PSD3: variants seen among roughly 807,000 people sequenced by gnomAD.
The protein encoded by PSD3 is PH and SEC7 domain-containing protein 3.
In PSD3, 49 loss-of-function variants were observed where a neutral mutation model predicts 105.5. That is an observed-to-expected ratio of 0.46 (90% CI 0.37 to 0.59). The LOEUF (loss-of-function observed/expected upper bound fraction) is 0.59, where lower values mean the gene tolerates loss of function less well. Ranked by LOEUF, PSD3 falls within the 20% of genes least tolerant of loss-of-function variation. PSD3 has a pLI of 0.00. For synonymous variants in PSD3, 557 were observed against 457.8 expected, an observed-to-expected ratio of 1.22 and a Z score of -2.77; for missense variants, 1,561 against 1,263.8, an observed-to-expected ratio of 1.24 and a Z score of -3.57.
intron 1 of PSD3, among the ~76,000 whole-genome samples, chr8:18,947,930 C>T (rs1390777527): frequency 6.6e-6 from 1 of 152,144 alleles, no homozygotes; most frequent in Non-Finnish European, 1.5e-5. Flanking sequence ...ATAGAGGGAT[C>T]AAGTCTTCTT....
chr8:18,563,077 T>C (rs1377292552), intron 14 of PSD3, among the ~76,000 whole-genome samples: 1 of 152,186 alleles, frequency 6.6e-6, no homozygotes, highest in African/African-American at 2.4e-5. Flanking sequence ...TTTATCTCCT[T>C]TACCGATTAC....
chr8:18,684,578 C>A (rs1020023824), intron 9 of PSD3, among the ~76,000 whole-genome samples: 1 of 152,186 alleles, frequency 6.6e-6, no homozygotes, highest in African/African-American at 2.4e-5. Context: ...TCAGGCCACA[C>A]ACTGTTTGAC....
chr8:18,770,338 G>A (rs1807402314), intron 8 of PSD3, among the ~76,000 whole-genome samples: 1 of 151,782 alleles, frequency 6.6e-6, no homozygotes, highest in Non-Finnish European at 1.5e-5. Context: ...TTATTATTCA[G>A]TTGTAAGACT....
At chr8:18,711,892 T>C (rs1050285258) in intron 9 of PSD3, among the ~76,000 whole-genome samples, 2 of 152,138 alleles carry the variant, frequency 1.3e-5, no homozygotes, top group Non-Finnish European at 2.9e-5. Context: ...AAAACACTCC[T>C]CAGCAAATGC....
intron 8 of PSD3, among the ~76,000 whole-genome samples, chr8:18,767,903 C>T (rs945533547): frequency 1.3e-5 from 2 of 151,916 alleles, no homozygotes; most frequent in African/African-American, 4.8e-5. Flanking sequence ...CTAGTGAATT[C>T]ATTTGAAAGT....
At chr8:19,026,110 C>T (rs1827541334) in intron 1 of PSD3, among the ~76,000 whole-genome samples, 2 of 152,112 alleles carry the variant, frequency 1.3e-5, no homozygotes, top group Non-Finnish European at 2.9e-5. Flanking sequence ...ATCAGGAAAA[C>T]AGCAAGGGAA....
intron 9 of PSD3, among the ~76,000 whole-genome samples, chr8:18,709,327 T>C (rs1802098514): frequency 6.6e-6 from 1 of 152,130 alleles, no homozygotes; most frequent in African/African-American, 2.4e-5. Context: ...GCCAGGGATT[T>C]AGGATAAAAC....
intron 15 of PSD3, 92 bp downstream of exon 15, chr8:18,556,117 C>G: frequency 6.9e-7 from 1 of 1,447,498 alleles, no homozygotes; most frequent in South Asian, 1.4e-5. Context: ...ACACGCCTCT[C>G]TCAGTGACAC....
intron 1 of PSD3, among the ~76,000 whole-genome samples, chr8:18,977,415 G>T (rs1393588471): frequency 6.6e-6 from 1 of 152,014 alleles, no homozygotes; most frequent in East Asian, 1.9e-4. Context: ...GCTTTTGTGG[G>T]GATTAAAGGA....
At chr8:18,788,394 T>C (rs965081981) in intron 8 of PSD3, among the ~76,000 whole-genome samples, 13 of 152,126 alleles carry the variant, frequency 8.5e-5, no homozygotes, top group African/African-American at 3.1e-4. Flanking sequence ...AGCAAGCGGG[T>C]GACCAAATCT....
chr8:19,046,919 G>T lies in PSD3; in HGVS notation c.324+37287C>A, dbSNP rs187001792. 6.0e-4 allele frequency among the ~76,000 whole-genome samples: 91 copies of T among 152,326 alleles called. 1 individual carries two copies. Among genetic ancestry groups the T allele is most frequent in the African/African-American group, 2.1e-3 (86 of 41,582 alleles). ...AAATTCTCAAGTTTGCATCTCAGGTGAACACTTGTCTCTCATCAAGAGTGG... is the reference window on the plus strand; with the variant it reads ...AAATTCTCAAGTTTGCATCTCAGGTTAACACTTGTCTCTCATCAAGAGTGG... On this transcript the variant is annotated intron_variant, in intron 1 of 1. Coordinates refer to the PSD3 transcript ENST00000521475.
At chr8:18,600,605 A>T (rs1804365081) in intron 11 of PSD3, among the ~76,000 whole-genome samples, 171 bp from the exon 12 acceptor site, 1 of 152,188 alleles carries the variant, frequency 6.6e-6, no homozygotes, top group South Asian at 2.1e-4. Context: ...GCATTCTAAA[A>T]TGTTTTCCAT....
intron 8 of PSD3, among the ~76,000 whole-genome samples, chr8:18,789,419 G>C (rs1809491540): frequency 6.6e-6 from 1 of 152,092 alleles, no homozygotes; most frequent in Admixed American, 6.6e-5. Context: ...ACTTAGGAAA[G>C]TATGACTATT....
At chr8:18,930,823 C>T (rs542649102) in intron 2 of PSD3, among the ~76,000 whole-genome samples, 103 of 152,218 alleles carry the variant, frequency 6.8e-4, no homozygotes, top group Admixed American at 6.7e-3. Flanking sequence ...CCGACTTGGC[C>T]TCCCAAAGTG....
At chr8:18,754,261 G>A (rs1406579675) in intron 9 of PSD3, among the ~76,000 whole-genome samples, 1 of 152,004 alleles carries the variant, frequency 6.6e-6, no homozygotes, top group Non-Finnish European at 1.5e-5. Flanking sequence ...GCGGATGCCT[G>A]TAATCCCAAC....
At chr8:19,022,099 G>A (rs1586637867) in intron 1 of PSD3, among the ~76,000 whole-genome samples, 1 of 152,110 alleles carries the variant, frequency 6.6e-6, no homozygotes, top group African/African-American at 2.4e-5. Flanking sequence ...AGAAGGGTTG[G>A]GGGGAGGTAC....
intron 9 of PSD3, among the ~76,000 whole-genome samples, chr8:18,734,675 G>A (rs1804015015): frequency 6.6e-6 from 1 of 152,204 alleles, no homozygotes; most frequent in Admixed American, 6.5e-5. Context: ...TGAATGTACA[G>A]TGTTGGCTAC....
chr8:18,612,597 C>T (rs372005979), intron 11 of PSD3, among the ~76,000 whole-genome samples: 1 of 152,068 alleles, frequency 6.6e-6, no homozygotes, highest in South Asian at 2.1e-4. Context: ...GTCTTGATCT[C>T]CTGACCTCGT....
chr8:18,581,907 T>C (rs920437129), intron 12 of PSD3, among the ~76,000 whole-genome samples: 1 of 152,124 alleles, frequency 6.6e-6, no homozygotes, highest in African/African-American at 2.4e-5. Flanking sequence ...TAAGTAACAT[T>C]AAGGAAGTGG....
Sources: allele counts gnomAD v4.1 joint callset (sites outside exome capture counted in the v4.1 genomes callset), GRCh38; gene constraint gnomAD v4.1.1; transcripts MANE v1.5; gene names NCBI Gene and HGNC (gene_info 2026-07-23, HGNC 2026-07-21).